The following LRBA variants were observed in gnomAD, a reference collection of about 807,000 sequenced individuals.
LRBA encodes lipopolysaccharide-responsive and beige-like anchor protein.
LRBA carries 176 observed loss-of-function variants against 330.0 expected under a neutral mutation model. The ratio of observed to expected loss-of-function variants is 0.53; its 90% CI spans 0.47 to 0.60. The LOEUF (loss-of-function observed/expected upper bound fraction) is 0.60. Ranked by LOEUF, LRBA falls within the 20% of genes least tolerant of loss-of-function variation. The pLI, the probability that LRBA is intolerant of heterozygous loss-of-function variation, is 0.00. For synonymous variants in LRBA, 1,230 were observed against 1,193.0 expected, an observed-to-expected ratio of 1.03 and a Z score of -0.64; for missense variants, 3,259 against 3,444.8, an observed-to-expected ratio of 0.95 and a Z score of 1.35.
intron 21 of LRBA, 149 bp downstream of exon 21, chr4:150,868,033 A>T: frequency 1.1e-6 from 1 of 918,222 alleles, no homozygotes. Context: ...ATTCTAACTT[A>T]ACTATGTGGT....
intron 37 of LRBA, among the ~76,000 whole-genome samples, chr4:150,664,032 G>A (rs2126837142): frequency 6.6e-6 from 1 of 152,264 alleles, no homozygotes. Context: ...TGCTTGGTGT[G>A]GTTAGAGATG....
At chr4:150,323,038 T>C (rs61269060) in intron 49 of LRBA, among the ~76,000 whole-genome samples, 26,139 of 148,910 alleles carry the variant, frequency 0.18, 2,778 homozygotes, top group East Asian at 0.27. Context: ...GATGCATTGA[T>C]GGTTGATGGG....
chr4:150,335,450 T>C (rs1419189979), intron 48 of LRBA, among the ~76,000 whole-genome samples: 1 of 145,328 alleles, frequency 6.9e-6, no homozygotes. Flanking sequence ...TACACGTATA[T>C]ATGTGTATAT....
intron 40 of LRBA, among the ~76,000 whole-genome samples, chr4:150,505,018 A>G (rs1288874439): frequency 6.6e-6 from 1 of 152,258 alleles, no homozygotes; most frequent in Non-Finnish European, 1.5e-5. Context: ...TTCAACAAGA[A>G]GAGCTAACTA....
At chr4:150,737,380 A>C (rs1299438473) in intron 35 of LRBA, among the ~76,000 whole-genome samples, 6 of 152,122 alleles carry the variant, frequency 3.9e-5, no homozygotes, top group Admixed American at 3.9e-4. Context: ...GAATGGCTTG[A>C]ACTTGGGTGG....
chr4:150,958,054 A>G lies in LRBA; in HGVS notation c.217-28989T>C, dbSNP rs552950231. Among the ~76,000 whole-genome samples the G allele has an allele frequency of 3.8e-4, 56 of 149,062 alleles. 12 individuals are homozygous for G. The highest frequency in any genetic ancestry group is 1.3e-3 in the African/African-American group (52 of 38,530). Reference sequence around the variant, plus strand: ...GATCTACCATTCTGGGGTCTGGAAGATTGTGGCCCTCTTCTCACAGCTCCA... The same window carrying G: ...GATCTACCATTCTGGGGTCTGGAAGGTTGTGGCCCTCTTCTCACAGCTCCA... On this transcript the variant is annotated intron_variant, in intron 2 of 56. Coordinates refer to ENST00000651943, the MANE Select transcript of LRBA (RefSeq NM_001364905.1).
At chr4:150,997,624 GTTTAT>G (rs891151856) in intron 2 of LRBA, among the ~76,000 whole-genome samples, 23 of 152,032 alleles carry the variant, frequency 1.5e-4, no homozygotes, top group African/African-American at 3.9e-4. Flanking sequence ...GCTCTAGGTT[GTTTAT>G]TTTAAGTGTG....
At chr4:150,662,981 CA>C (rs1157482275) in intron 37 of LRBA, among the ~76,000 whole-genome samples, 1 of 149,254 alleles carries the variant, frequency 6.7e-6, no homozygotes, top group Non-Finnish European at 1.5e-5. Context: ...AACAAACAAA[CA>C]AAAAAAAACA....
chr4:150,499,868 C>T (rs1050565547), intron 40 of LRBA, among the ~76,000 whole-genome samples: 2 of 151,930 alleles, frequency 1.3e-5, no homozygotes, highest in Non-Finnish European at 2.9e-5. Flanking sequence ...GTATCAAAAG[C>T]CCTCCCTAAA....
At chr4:150,979,037 A>G (rs1394796892) in intron 2 of LRBA, among the ~76,000 whole-genome samples, 3 of 152,202 alleles carry the variant, frequency 2.0e-5, no homozygotes, top group Non-Finnish European at 4.4e-5. Flanking sequence ...CAAGTACAAG[A>G]AGGATACAGA....
At chr4:150,306,933 T>C (rs1278804460) in intron 52 of LRBA, among the ~76,000 whole-genome samples, 1 of 152,072 alleles carries the variant, frequency 6.6e-6, no homozygotes, top group Non-Finnish European at 1.5e-5. Context: ...CTCAGTTTTA[T>C]TATCTGAAAA....
At chr4:150,310,431 A>G in intron 51 of LRBA, 47 bp from the exon 52 acceptor site, 1 of 1,372,680 alleles carries the variant, frequency 7.3e-7, no homozygotes, top group Non-Finnish European at 1.0e-6. Flanking sequence ...ACATGGGCAA[A>G]GAAATTCTAT....
intron 37 of LRBA, among the ~76,000 whole-genome samples, chr4:150,649,250 T>G (rs1270333661): frequency 6.6e-6 from 1 of 152,190 alleles, no homozygotes; most frequent in African/African-American, 2.4e-5. Context: ...CTCAGTAATT[T>G]TAAAATGGTT....
intron 36 of LRBA, among the ~76,000 whole-genome samples, chr4:150,709,892 TAGA>T (rs1237446615): frequency 6.6e-6 from 1 of 151,836 alleles, no homozygotes; most frequent in East Asian, 1.9e-4. Context: ...AAAAGATGAG[TAGA>T]AGATGAATAA....
chr4:150,898,702 T>G (rs1381535155), intron 14 of LRBA, among the ~76,000 whole-genome samples: 2 of 152,002 alleles, frequency 1.3e-5, no homozygotes, highest in African/African-American at 4.8e-5. Context: ...TCCAGCTCTC[T>G]CATTTGAAGA....
At chr4:150,629,618 G>A (rs765777054) in intron 37 of LRBA, among the ~76,000 whole-genome samples, 2 of 151,364 alleles carry the variant, frequency 1.3e-5, no homozygotes, top group Non-Finnish European at 2.9e-5. Flanking sequence ...CAGCCTGGGT[G>A]GTGACAGAGC....
intron 37 of LRBA, among the ~76,000 whole-genome samples, chr4:150,613,747 T>TA (rs1775494558): frequency 6.6e-6 from 1 of 152,238 alleles, no homozygotes; most frequent in Admixed American, 6.5e-5. Context: ...GAGTTGCAGC[T>TA]AAGGTCTTAG....
intron 2 of LRBA, among the ~76,000 whole-genome samples, chr4:150,959,259 C>T (rs1247011215): frequency 6.7e-6 from 1 of 149,026 alleles, no homozygotes; most frequent in Admixed American, 6.6e-5. Flanking sequence ...CATCAGATCT[C>T]GTGAGACTTA....
intron 22 of LRBA, among the ~76,000 whole-genome samples, chr4:150,854,605 GT>G (rs1751005072): frequency 6.6e-6 from 1 of 152,214 alleles, no homozygotes; most frequent in Non-Finnish European, 1.5e-5. Flanking sequence ...GAAGTACAGA[GT>G]GAAGAACTGT....
Sources: allele counts gnomAD v4.1 joint callset (sites outside exome capture counted in the v4.1 genomes callset), GRCh38; gene constraint gnomAD v4.1.1; transcripts MANE v1.5; gene names NCBI Gene and HGNC (gene_info 2026-07-23, HGNC 2026-07-21).